The following IPMK variants were observed in gnomAD, a reference collection of about 807,000 sequenced individuals.
The protein encoded by IPMK is inositol polyphosphate multikinase.
In IPMK, 17 loss-of-function variants were observed where a neutral mutation model predicts 45.8. The observed-to-expected ratio is 0.37, with a 90% CI of 0.25 to 0.56. The LOEUF is 0.56. Ranked by LOEUF, IPMK falls within the 20% of genes least tolerant of loss-of-function variation. The pLI, the probability that IPMK is intolerant of heterozygous loss-of-function variation, is 0.79. For synonymous variants in IPMK, 180 were observed against 184.3 expected (o/e 0.98, Z 0.19); for missense variants, 399 against 498.0 (o/e 0.80, Z 1.89).
chr10:58,236,306 A>G (rs1838612449), intron 2 of IPMK, among the ~76,000 whole-genome samples: 1 of 152,226 alleles, frequency 6.6e-6, no homozygotes, highest in South Asian at 2.1e-4. Flanking sequence ...TATGAAGCTA[A>G]ATGAAACATA....
chr10:58,223,506 A>C (rs186353508), intron 3 of IPMK, among the ~76,000 whole-genome samples: 1 of 152,312 alleles, frequency 6.6e-6, no homozygotes, highest in Non-Finnish European at 1.5e-5. Context: ...GATTTCATAA[A>C]TTACGAAAAT....
chr10:58,237,851 A>G lies in IPMK; in HGVS notation c.191-37T>C, dbSNP rs776341963. On this transcript the variant is annotated intron_variant, in intron 1 of 5. Transcript: ENST00000373935. ...AAATCAGAAATTGTTTAATGCTTTAATAATAGTAAACCTTGCTTCATTAAA... is the reference window on the plus strand; with the variant it reads ...AAATCAGAAATTGTTTAATGCTTTAGTAATAGTAAACCTTGCTTCATTAAA... 5 of 1,433,640 alleles carry G rather than the reference A, an allele frequency of 3.5e-6. No individual in the cohort carries two copies. In the East Asian group the frequency reaches 9.1e-5, roughly 26 times the overall value. The allele number at this position is 1,433,640 out of a possible 1,614,324, so 88.8% of individuals were successfully genotyped here.
At chr10:58,203,929 C>A (rs1392035768) in intron 4 of IPMK, among the ~76,000 whole-genome samples, 1 of 152,198 alleles carries the variant, frequency 6.6e-6, no homozygotes, top group African/African-American at 2.4e-5. Context: ...CCTTCAGCAG[C>A]CACCACCCTG....
rs192473718 is a variant in IPMK, at chr10:58,235,366, C to T, written c.276+2363G>A. Among the ~76,000 whole-genome samples, 154 of 152,210 alleles carry T rather than the reference C, an allele frequency of 1.0e-3. 1 individual carries two copies. The highest frequency in any genetic ancestry group is 5.9e-3 in the Admixed American group (90 of 15,294). On this transcript the variant is annotated intron_variant, in intron 2 of 5. Transcript: ENST00000373935. The stretch of plus-strand genomic sequence containing the variant: ...ATGCTACTATAAAGATACATGTAGA[C>T]GTATGTTTACTGCAGCACTATTCAC...
At chr10:58,200,721 T>C (rs562447198) in intron 4 of IPMK, among the ~76,000 whole-genome samples, 1 of 152,356 alleles carries the variant, frequency 6.6e-6, no homozygotes, top group East Asian at 1.9e-4. Context: ...ATTCCAAATG[T>C]ATCAAAGATT....
At chr10:58,197,567 G>A (rs1042973136) in intron 5 of IPMK, among the ~76,000 whole-genome samples, 9 of 150,486 alleles carry the variant, frequency 6.0e-5, no homozygotes, top group African/African-American at 1.7e-4. Flanking sequence ...GGAGAACGGC[G>A]TGAACCCAGA....
At chr10:58,205,192 C>A (rs912920559) in intron 4 of IPMK, among the ~76,000 whole-genome samples, 1 of 151,836 alleles carries the variant, frequency 6.6e-6, no homozygotes, top group Non-Finnish European at 1.5e-5. Context: ...AGATTTTACA[C>A]CAAAAGCCTA....
chr10:58,214,207 T>C (rs1003546946), intron 4 of IPMK, among the ~76,000 whole-genome samples: 1 of 151,822 alleles, frequency 6.6e-6, no homozygotes, highest in Admixed American at 6.6e-5. Context: ...AGGAATGAGA[T>C]TCAGAGGGCG....
intron 1 of IPMK, among the ~76,000 whole-genome samples, chr10:58,266,036 T>A (rs956217940): frequency 1.3e-5 from 2 of 152,200 alleles, no homozygotes; most frequent in African/African-American, 4.8e-5. Context: ...AGAAACCCCA[T>A]GAGTACTCTC....
intron 1 of IPMK, among the ~76,000 whole-genome samples, chr10:58,243,137 A>G (rs1169571954): frequency 1.3e-5 from 2 of 152,146 alleles, no homozygotes; most frequent in Non-Finnish European, 2.9e-5. Flanking sequence ...CTATCCTAGG[A>G]AAAAAATCAG....
rs370190337 is a variant in IPMK at position 58,237,823 on chromosome 10, C to A, written c.191-9G>T. ...TGGATGTTGCAGTATACCTATGGAACAAAAATCAGAAATTGTTTAATGCTT... is the reference window on the plus strand; with the variant it reads ...TGGATGTTGCAGTATACCTATGGAAAAAAAATCAGAAATTGTTTAATGCTT... On this transcript the variant is annotated splice_polypyrimidine_tract_variant and intron_variant, in intron 1 of 5. Coordinates refer to ENST00000373935, the MANE Select transcript of IPMK (RefSeq NM_152230.5). 6.9e-6 allele frequency: 11 copies of A among 1,603,272 alleles called. No homozygotes were observed. Among genetic ancestry groups the A allele is most frequent in the Middle Eastern group, 1.7e-4 (1 of 6,020 alleles).
intron 1 of IPMK, among the ~76,000 whole-genome samples, chr10:58,255,043 T>A (rs1283464387): frequency 6.6e-6 from 1 of 152,220 alleles, no homozygotes; most frequent in African/African-American, 2.4e-5. Context: ...GTTGTTTCTA[T>A]CCAGGGAAGG....
intron 1 of IPMK, among the ~76,000 whole-genome samples, chr10:58,252,643 C>A (rs935788224): frequency 1.2e-4 from 17 of 142,226 alleles, no homozygotes; most frequent in African/African-American, 4.5e-4. Context: ...GATGGAGTCA[C>A]CTTCTGTCAC....
chr10:58,262,456 G>A (rs1164044054), intron 1 of IPMK, among the ~76,000 whole-genome samples: 3 of 152,128 alleles, frequency 2.0e-5, no homozygotes, highest in African/African-American at 7.2e-5. Flanking sequence ...TTTGAAATAT[G>A]AAATTATAAT....
At chr10:58,199,176 C>G (rs1837960411) in intron 5 of IPMK, 64 bp downstream of exon 5, 1 of 980,246 alleles carries the variant, frequency 1.0e-6, no homozygotes, top group Non-Finnish European at 1.5e-6. Flanking sequence ...ACAACTAAAA[C>G]TGAAATAACT....
At chr10:58,240,040 C>T (rs1380407783) in intron 1 of IPMK, among the ~76,000 whole-genome samples, 1 of 152,000 alleles carries the variant, frequency 6.6e-6, no homozygotes, top group Non-Finnish European at 1.5e-5. Context: ...ATCAGGAAAA[C>T]ATAAAGCACA....
rs753050298 is a variant in IPMK at position 58,211,901 on chromosome 10, C to CAAAAAAAAA, written c.546+4235_546+4243dup. ...CACTCCAGCCTGGGTGACATCTCAC[C>CAAAAAAAAA]AAAAAAAAAAAAAAAAAAAAAAAAT... On this transcript the variant is annotated intron_variant, in intron 4 of 5. Coordinates refer to ENST00000373935, the MANE Select transcript of IPMK (RefSeq NM_152230.5). Among the ~76,000 whole-genome samples, 22 of 50,370 alleles carry CAAAAAAAAA rather than the reference C, an allele frequency of 4.4e-4. 1 individual carries two copies. The highest frequency in any genetic ancestry group is 2.3e-3 in the East Asian group (3 of 1,308). The allele number at this position is 50,370 out of a possible 152,430, so 33.0% of individuals were successfully genotyped here.
chr10:58,208,664 T>C (rs997525932), intron 4 of IPMK, among the ~76,000 whole-genome samples: 1 of 152,198 alleles, frequency 6.6e-6, no homozygotes, highest in African/African-American at 2.4e-5. Flanking sequence ...ATAGTAGTTA[T>C]ATTATTAGTG....
At chr10:58,207,024 C>T (rs191612172) in intron 4 of IPMK, among the ~76,000 whole-genome samples, 210 of 152,136 alleles carry the variant, frequency 1.4e-3, no homozygotes, top group African/African-American at 4.9e-3. Context: ...TGTTTTGAGA[C>T]GGAGTCTTGC....
Sources: allele counts gnomAD v4.1 joint callset (sites outside exome capture counted in the v4.1 genomes callset), GRCh38; gene constraint gnomAD v4.1.1; transcripts MANE v1.5; gene names NCBI Gene and HGNC (gene_info 2026-07-23, HGNC 2026-07-21).